GBF1: variants seen among roughly 807,000 people sequenced by gnomAD.
GBF1 encodes golgi brefeldin A resistant guanine nucleotide exchange factor 1.
GBF1 carries 114 observed loss-of-function variants against 210.5 expected under a neutral mutation model. The ratio of observed to expected loss-of-function variants is 0.54; its 90% CI spans 0.47 to 0.63. GBF1 has a LOEUF of 0.63. Ranked by LOEUF, GBF1 falls within the 30% of genes least tolerant of loss-of-function variation. The pLI is 0.00. For synonymous variants in GBF1, 850 were observed against 889.2 expected (o/e 0.96, Z 0.78); for missense variants, 1,851 against 2,357.7 (o/e 0.79, Z 4.45).
rs2297759 is a variant in GBF1 at position 102,351,813 on chromosome 10, A to G, written c.415-30A>G. 3,531 of 1,267,100 alleles carry G rather than the reference A, an allele frequency of 2.8e-3. 130 individuals carry two copies. The East Asian group carries it at 0.074, about 27-fold the overall frequency. 78.5% of individuals were successfully genotyped at this position (1,267,100 alleles called of 1,614,324 possible). On this transcript the variant is annotated intron_variant, in intron 5 of 39. Coordinates refer to ENST00000369983, the MANE Select transcript of GBF1 (RefSeq NM_001377137.1). ...TTGAGTACCTCTCAGTACCTTGTTT[A>G]TCACAGTAATTCCTTTTTCTTCCTG... is the stretch of plus-strand genomic sequence containing the variant.
At chr10:102,353,829 C>G (rs2059141377) in intron 8 of GBF1, among the ~76,000 whole-genome samples, 175 bp downstream of exon 8, 1 of 152,184 alleles carries the variant, frequency 6.6e-6, no homozygotes, top group Non-Finnish European at 1.5e-5. Context: ...AGATATATCC[C>G]TTCCTCAGCT....
Position 102,358,095 on chromosome 10 carries a change from A to T in GBF1, c.696A>T (p.Arg232Ser). ...SDSSKWKKQK[R>S]SPRPPRHMTK... Reference sequence around the variant, plus strand: ...CATCCAAATGGAAGAAACAGAAGAGATCCCCTCGGCCCCCACGCCATATGA... The same window carrying T: ...CATCCAAATGGAAGAAACAGAAGAGTTCCCCTCGGCCCCCACGCCATATGA... Residue 232 changes from arginine to serine, a missense_variant, in exon 9 of 40, where the codon AGA becomes AGT. Coordinates refer to ENST00000369983, the MANE Select transcript of GBF1 (RefSeq NM_001377137.1). 1.2e-6 allele frequency: 2 copies of T among 1,609,742 alleles called. No homozygotes were observed. Among genetic ancestry groups the T allele is most frequent in the Non-Finnish European group, 1.7e-6 (2 of 1,176,024 alleles).
intron 3 of GBF1, among the ~76,000 whole-genome samples, chr10:102,302,713 A>G (rs1478585801): frequency 6.6e-6 from 1 of 152,308 alleles, no homozygotes; most frequent in East Asian, 1.9e-4. Context: ...ATGATTCTGA[A>G]CTGGGTGATT....
At chr10:102,264,048 G>T (rs1049143828) in intron 3 of GBF1, among the ~76,000 whole-genome samples, 2 of 152,056 alleles carry the variant, frequency 1.3e-5, no homozygotes, top group Non-Finnish European at 2.9e-5. Context: ...TCCTTTTTGG[G>T]GTAATGAAAA....
intron 3 of GBF1, among the ~76,000 whole-genome samples, chr10:102,342,830 G>A (rs941397600): frequency 1.3e-5 from 2 of 152,116 alleles, no homozygotes; most frequent in African/African-American, 4.8e-5. Flanking sequence ...TTAAATTCTG[G>A]TCAGAGTAAG....
intron 3 of GBF1, among the ~76,000 whole-genome samples, chr10:102,303,175 A>T (rs2077541011): frequency 6.6e-6 from 1 of 151,906 alleles, no homozygotes; most frequent in Non-Finnish European, 1.5e-5. Flanking sequence ...TTAGGTAGAG[A>T]TGGGGTTTCA....
At chr10:102,334,982 T>G (rs2057627032) in intron 3 of GBF1, among the ~76,000 whole-genome samples, 2 of 152,300 alleles carry the variant, frequency 1.3e-5, no homozygotes, top group South Asian at 4.1e-4. Context: ...TGTTTTAATG[T>G]CATAATATGG....
chr10:102,360,918 TG>T (rs1437548968), intron 12 of GBF1, 103 bp from the exon 13 acceptor site: 1 of 693,850 alleles, frequency 1.4e-6, no homozygotes. Flanking sequence ...GAGGTTGCAG[TG>T]AGCTGAGATT....
intron 3 of GBF1, among the ~76,000 whole-genome samples, chr10:102,301,461 C>T (rs192735598): frequency 0.023 from 3,462 of 152,270 alleles, 57 homozygotes; most frequent in Middle Eastern, 0.041. Flanking sequence ...AAACCGCCAT[C>T]GTCATCATGA....
chr10:102,373,211 G>A (rs1002236692), intron 29 of GBF1, among the ~76,000 whole-genome samples: 1 of 152,188 alleles, frequency 6.6e-6, no homozygotes, highest in African/African-American at 2.4e-5. Context: ...AGGAACAGAT[G>A]TTTCACCAAA....
the GBF1 span, among the ~76,000 whole-genome samples, chr10:102,233,247 G>A: frequency 4.0e-5 from 6 of 151,694 alleles, no homozygotes; most frequent in South Asian, 1.3e-3. Flanking sequence ...GCTTCAGCTA[G>A]GGCAGCGCTG....
In GBF1 at chr10:102,361,094, C is replaced by G; in HGVS notation, c.1465C>G (p.Arg489Gly). 6.3e-7 allele frequency: 1 copy of G among 1,596,586 alleles called. No individual in the cohort carries two copies. Among genetic ancestry groups the G allele is most frequent in the Non-Finnish European group, 8.6e-7 (1 of 1,164,240 alleles). The change falls in exon 13 of 40, where the codon CGA becomes GGA. Residue 489 changes from arginine (R) to glycine (G), a missense_variant. By Grantham distance (125) the Arg-to-Gly change is moderately radical (BLOSUM62 -2). Around this residue, in one of 3 missense-constraint regions of GBF1, gnomAD observed 804 missense variants for 958.6 expected, o/e 0.84. Transcript: ENST00000369983. ...ATGCTTCCTACTGTTTGAGAGCATG[C>G]GAGAGCACCTCAAGTTCCAAATGGA... The part of the protein sequence containing the change: ...RVCFLLFESM[R>G]EHLKFQMEMY...
chr10:102,368,758 G>A lies in GBF1; in HGVS notation c.2899G>A (p.Ala967Thr), dbSNP rs768258634. The A allele has an allele frequency of 2.3e-5, 37 of 1,612,612 alleles. No individual in the cohort carries two copies. The highest frequency in any genetic ancestry group is 2.5e-5 in the Non-Finnish European group (29 of 1,178,842). Residue 967 changes from alanine to threonine, a missense_variant, in exon 23 of 40, where the codon GCC (alanine) becomes ACC (threonine). Ala to Thr is a moderately conservative substitution (Grantham distance 58). Coordinates refer to ENST00000369983, the MANE Select transcript of GBF1 (RefSeq NM_001377137.1). ...TTACAGGAAGTGCGCCATGATCTCC[G>A]CCCACTATGGCCTCAGCGATGTGTT... Reference protein sequence around the residue: ...SGFRKCAMISAHYGLSDVFDN... With the variant: ...SGFRKCAMISTHYGLSDVFDN...
intron 3 of GBF1, among the ~76,000 whole-genome samples, chr10:102,274,093 G>A (rs1347820520): frequency 6.6e-6 from 1 of 152,172 alleles, no homozygotes; most frequent in Admixed American, 6.5e-5. Flanking sequence ...ATGGAACTAG[G>A]TTCTAGGGAC....
At chr10:102,318,660 T>G (rs1315342571) in intron 3 of GBF1, among the ~76,000 whole-genome samples, 1 of 152,232 alleles carries the variant, frequency 6.6e-6, no homozygotes, top group African/African-American at 2.4e-5. Flanking sequence ...CAAATTGTGC[T>G]GCAAAGTCCA....
In GBF1 at chr10:102,365,106, GTTTC is replaced by G. The variant is rs1215189209; in HGVS notation, c.2107-284_2107-281del. On this transcript the variant is annotated intron_variant, in intron 17 of 39. Transcript: ENST00000369983. ...TAAAACTGGAGAGAAGAATTACCTA[GTTTC>G]TTTCTTCTACTTTTCCCCCAATCCT... Among the ~76,000 whole-genome samples, 11 of 152,144 alleles carry G rather than the reference GTTTC, an allele frequency of 7.2e-5. No individual in the cohort carries two copies. In the South Asian group the frequency reaches 2.3e-3, roughly 32 times the overall value.
chr10:102,350,782 C>A (rs909664942), intron 4 of GBF1, among the ~76,000 whole-genome samples: 1 of 152,104 alleles, frequency 6.6e-6, no homozygotes, highest in African/African-American at 2.4e-5. Flanking sequence ...TGTTGAGGAG[C>A]TCATTAAAAC....
chr10:102,284,818 A>G (rs1339254235), intron 3 of GBF1, among the ~76,000 whole-genome samples: 1 of 152,078 alleles, frequency 6.6e-6, no homozygotes, highest in African/African-American at 2.4e-5. Flanking sequence ...TCTATGTTTA[A>G]CTTTTTGAGT....
chr10:102,271,382 C>G (rs904268324), intron 3 of GBF1, among the ~76,000 whole-genome samples: 2 of 152,122 alleles, frequency 1.3e-5, no homozygotes, highest in African/African-American at 4.8e-5. Context: ...CAGGATCTTG[C>G]TGTGTTTCCC....
Sources: allele counts gnomAD v4.1 joint callset (sites outside exome capture counted in the v4.1 genomes callset), GRCh38; gene constraint gnomAD v4.1.1; regional missense constraint gnomAD v4.1.1; transcripts MANE v1.5; gene names NCBI Gene and HGNC (gene_info 2026-07-23, HGNC 2026-07-21).